FAM167A: variants seen among roughly 807,000 people sequenced by gnomAD.
FAM167A encodes family with sequence similarity 167 member A, also known as protein FAM167A.
In FAM167A, 23 loss-of-function variants were observed where a neutral mutation model predicts 14.9. The observed-to-expected ratio is 1.55, with a 90% CI of 1.11 to 2.19. The LOEUF is 2.19. Among genes scored for constraint, FAM167A ranks in the 30% most tolerant of loss-of-function variants. FAM167A has a pLI of 0.00. For missense variants in FAM167A, 401 were observed against 281.5 expected, an observed-to-expected ratio of 1.42 and a Z score of -3.04; for synonymous variants, 174 against 117.7, an observed-to-expected ratio of 1.48 and a Z score of -3.10.
intron 1 of FAM167A, among the ~76,000 whole-genome samples, chr8:11,455,797 G>C (rs1238662612): frequency 1.3e-5 from 2 of 150,638 alleles, no homozygotes; most frequent in African/African-American, 4.9e-5. Flanking sequence ...CTGGGGTTGT[G>C]TGAGTGTTGG....
rs1468470856 is a variant in FAM167A, at chr8:11,422,722, A to T, written c.*1651T>A. 1 of 152,260 alleles carries T rather than the reference A, an allele frequency of 6.6e-6. No individual in the cohort carries two copies. The highest frequency in any genetic ancestry group is 1.5e-5 in the Non-Finnish European group (1 of 68,056). The allele number at this position is 152,260 out of a possible 1,614,324, so 9.4% of individuals were successfully genotyped here. Reference sequence around the variant, plus strand: ...ACAAAAGAAAAGCAACCTCTCCCCTATGTGGGTCACGATGTGTGGGTGGAC... The same window carrying T: ...ACAAAAGAAAAGCAACCTCTCCCCTTTGTGGGTCACGATGTGTGGGTGGAC... On this transcript the variant is annotated 3_prime_UTR_variant, in exon 3 of 3. Transcript: ENST00000284486.
Position 11,429,153 on chromosome 8 carries a change from C to T in FAM167A, c.382-4517G>A, listed in dbSNP as rs191919099. Among the ~76,000 whole-genome samples the T allele has an allele frequency of 1.7e-4, 26 of 152,332 alleles. 1 individual carries two copies. In the East Asian group the frequency reaches 4.0e-3, roughly 24 times the overall value. On this transcript the variant is annotated intron_variant, in intron 2 of 2. Coordinates refer to ENST00000284486, the MANE Select transcript of FAM167A (RefSeq NM_053279.3). Reference sequence around the variant, plus strand: ...CCTCCTCCAGCCCCTGGCACCCACCCTTCTACTTTCTGTCTGTATGACTAC... The same window carrying T: ...CCTCCTCCAGCCCCTGGCACCCACCTTTCTACTTTCTGTCTGTATGACTAC...
At chr8:11,435,082 GCTT>G (rs1563365880) in intron 2 of FAM167A, 3 of 456,766 alleles carry the variant, frequency 6.6e-6, no homozygotes, top group South Asian at 1.5e-5. Context: ...AGGTCTCCCT[GCTT>G]CTTCAAATCT....
intron 2 of FAM167A, chr8:11,438,322 G>T: frequency 2.4e-6 from 1 of 412,934 alleles, no homozygotes; most frequent in Non-Finnish European, 4.8e-6. Flanking sequence ...CAGCTCCCTG[G>T]CCAGCAGCCC....
chr8:11,426,197 G>A (rs994018687), intron 2 of FAM167A, among the ~76,000 whole-genome samples: 1 of 152,124 alleles, frequency 6.6e-6, no homozygotes, highest in Non-Finnish European at 1.5e-5. Flanking sequence ...CCTAAGACCT[G>A]TAAGCACCCC....
At chr8:11,446,555 A>T (rs1441874422) in intron 1 of FAM167A, 2 of 152,214 alleles carry the variant, frequency 1.3e-5, no homozygotes, top group Non-Finnish European at 2.9e-5. Flanking sequence ...AGATGCAGAC[A>T]CTAGAGTTGG....
intron 2 of FAM167A, among the ~76,000 whole-genome samples, chr8:11,437,886 G>A (rs375194916): frequency 6.0e-5 from 9 of 149,796 alleles, no homozygotes; most frequent in East Asian, 3.9e-4. Context: ...AGGAATTTGC[G>A]TATTTCCCTT....
intron 1 of FAM167A, among the ~76,000 whole-genome samples, chr8:11,461,565 C>T (rs1485592017): frequency 6.6e-6 from 1 of 152,252 alleles, no homozygotes; most frequent in African/African-American, 2.4e-5. Flanking sequence ...GGAAACACTT[C>T]CCAGCTGGCT....
At chr8:11,464,629 CT>C (rs958467931) in intron 1 of FAM167A, among the ~76,000 whole-genome samples, 26 of 152,256 alleles carry the variant, frequency 1.7e-4, no homozygotes, top group Admixed American at 1.3e-3. Context: ...TCTCCCACCC[CT>C]GGTCTGGAAA....
intron 1 of FAM167A, among the ~76,000 whole-genome samples, chr8:11,460,716 A>G (rs1411630158): frequency 2.0e-5 from 3 of 152,164 alleles, no homozygotes; most frequent in Non-Finnish European, 4.4e-5. Context: ...TATACCACAG[A>G]GAACTGCACA....
Position 11,430,315 on chromosome 8 carries a change from T to C in FAM167A, c.382-5679A>G, listed in dbSNP as rs568785128. Among the ~76,000 whole-genome samples, 4 of 152,318 alleles carry C rather than the reference T, an allele frequency of 2.6e-5. No homozygotes were observed. The East Asian group carries it at 5.8e-4, about 22-fold the overall frequency. The stretch of plus-strand genomic sequence containing the variant: ...TGGTGACAGGGTGTCCCCACCAGGC[T>C]TGGAAGAAGGGAAGGGCGGCAGCCA... On this transcript the variant is annotated intron_variant, in intron 2 of 2. Transcript: ENST00000284486.
rs753999118 is a variant in FAM167A at position 11,444,216 on chromosome 8, C to T, written c.196G>A (p.Glu66Lys). Residue 66 changes from glutamate to lysine, a missense_variant, in exon 2 of 3, where the codon GAG becomes AAG. Transcript: ENST00000284486. ...HTWPFPRPAA[E>K]PQASLEEGER... ...CCCTCCTCCAAGCTCGCCTGTGGCT[C>T]CGCAGCCGGCCTCGGGAAGGGCCAG... is the stretch of plus-strand genomic sequence containing the variant. The T allele has an allele frequency of 1.4e-5, 23 of 1,612,470 alleles. No individual in the cohort carries two copies. In the African/African-American group the frequency reaches 2.8e-4, roughly 20 times the overall value.
intron 2 of FAM167A, among the ~76,000 whole-genome samples, chr8:11,440,368 G>A (rs918509960): frequency 6.6e-6 from 1 of 152,244 alleles, no homozygotes; most frequent in Non-Finnish European, 1.5e-5. Flanking sequence ...TCTACTTGCT[G>A]ATCCCTGGGG....
chr8:11,423,926 A>G lies in FAM167A; in HGVS notation c.*447T>C. On this transcript the variant is annotated 3_prime_UTR_variant, in exon 3 of 3. Transcript: ENST00000284486. ...TTGAGACAATACTTAGAGGACAGCAACAGCACGTGAGACAGGCACATCTGA... is the reference window on the plus strand; with the variant it reads ...TTGAGACAATACTTAGAGGACAGCAGCAGCACGTGAGACAGGCACATCTGA... 5.3e-6 allele frequency: 1 copy of G among 187,282 alleles called. No individual in the cohort carries two copies. The allele number at this position is 187,282 out of a possible 1,614,324, so 11.6% of individuals were successfully genotyped here.
At chr8:11,457,466 G>A (rs1435621731) in intron 1 of FAM167A, among the ~76,000 whole-genome samples, 3 of 151,966 alleles carry the variant, frequency 2.0e-5, no homozygotes, top group African/African-American at 7.3e-5. Context: ...CCCAGCGCTC[G>A]CCTTCCTGGT....
chr8:11,444,171 G>A lies in FAM167A; in HGVS notation c.241C>T (p.Pro81Ser), dbSNP rs201163852. The stretch of plus-strand genomic sequence containing the variant: ...CCAGCCTCTCTCAGGGGGAGCAAGG[G>A]CTCCTGCCCCCCACGCTCCCCCTCC... ...LEEGERGGQE[P>S]LLPLREAGQH... Residue 81 changes from proline (P) to serine (S), a missense_variant, in exon 2 of 3, where the codon CCC becomes TCC. Pro to Ser is a moderately conservative substitution (Grantham distance 74). Coordinates refer to ENST00000284486, the MANE Select transcript of FAM167A (RefSeq NM_053279.3). The A allele has an allele frequency of 1.4e-5, 22 of 1,613,000 alleles. No homozygotes were observed. The African/African-American group carries it at 2.7e-4, about 20-fold the overall frequency.
intron 2 of FAM167A, among the ~76,000 whole-genome samples, chr8:11,436,962 A>G (rs558922418): frequency 1.1e-4 from 17 of 152,330 alleles, no homozygotes; most frequent in East Asian, 3.9e-4. Context: ...TGCAGTTGCT[A>G]TAGATTCCTG....
chr8:11,473,479 C>A (rs558642979), intron 1 of FAM167A, among the ~76,000 whole-genome samples: 2 of 152,290 alleles, frequency 1.3e-5, no homozygotes, highest in South Asian at 2.1e-4. Context: ...AACAACTGTA[C>A]CCCGAAGAGA....
chr8:11,454,935 G>A (rs199752523), intron 1 of FAM167A, among the ~76,000 whole-genome samples: 5 of 151,830 alleles, frequency 3.3e-5, no homozygotes, highest in African/African-American at 7.2e-5. Context: ...CTCCTCCTCC[G>A]GGGTTGCCAT....
Sources: gnomAD v4.1 joint callset for allele counts (sites outside exome capture counted in the v4.1 genomes callset) on GRCh38, gnomAD v4.1.1 for gene constraint, MANE v1.5 for transcripts, NCBI Gene and HGNC (gene_info 2026-07-23, HGNC 2026-07-21) for gene names.